ACTR3C: variants seen among roughly 807,000 people sequenced by gnomAD.
ACTR3C encodes the protein actin-related protein 3C.
Under a neutral mutation model 26.3 loss-of-function variants are expected in ACTR3C, and 18 were observed. The observed-to-expected ratio is 0.68, with a 90% CI of 0.47 to 1.01. The LOEUF (loss-of-function observed/expected upper bound fraction) is 1.01, where lower values mean the gene tolerates loss of function less well. ACTR3C is among the 50% of genes least tolerant of loss of function. The pLI, the probability that ACTR3C is intolerant of heterozygous loss-of-function variation, is 0.00. For missense variants in ACTR3C, 184 were observed against 250.7 expected (o/e 0.73, Z 1.80); for synonymous variants, 55 against 94.5 (o/e 0.58, Z 2.42).
At chr7:150,077,022 G>A in the ACTR3C span, among the ~76,000 whole-genome samples, 6 of 151,924 alleles carry the variant, frequency 3.9e-5, no homozygotes, top group Non-Finnish European at 7.4e-5. Context: ...AAAATTAGCC[G>A]AGCATGGTGG....
the ACTR3C span, among the ~76,000 whole-genome samples, chr7:149,948,516 C>A: frequency 2.9e-4 from 44 of 150,862 alleles, no homozygotes; most frequent in Non-Finnish European, 5.6e-4. Context: ...CAGGCTCTGC[C>A]TTCCTGCCCC....
chr7:150,270,566 T>C (rs1049698869), intron 6 of ACTR3C, among the ~76,000 whole-genome samples: 1 of 151,036 alleles, frequency 6.6e-6, no homozygotes, highest in African/African-American at 2.5e-5. Flanking sequence ...GCAGACCTCA[T>C]GCTCACCACC....
the ACTR3C span, among the ~76,000 whole-genome samples, chr7:149,992,691 A>G: frequency 6.6e-6 from 1 of 152,194 alleles, no homozygotes; most frequent in African/African-American, 2.4e-5. Flanking sequence ...AGAAGGGACA[A>G]AGAAGGGTGG....
At chr7:150,185,214 G>A in the ACTR3C span, among the ~76,000 whole-genome samples, 2 of 151,730 alleles carry the variant, frequency 1.3e-5, no homozygotes, top group Non-Finnish European at 2.9e-5. Context: ...GAAAACCATG[G>A]TGTCTACCAC....
At chr7:150,039,715 G>GATAA in the ACTR3C span, among the ~76,000 whole-genome samples, 1 of 145,242 alleles carries the variant, frequency 6.9e-6, no homozygotes, top group South Asian at 2.3e-4. Flanking sequence ...AGAGGGTCTG[G>GATAA]CTCTCAGTCC....
the ACTR3C span, among the ~76,000 whole-genome samples, chr7:150,028,065 A>G: frequency 2.0e-4 from 30 of 152,424 alleles, no homozygotes; most frequent in East Asian, 5.0e-3. Context: ...TCTTCATTGA[A>G]TTAGTCCTCT....
chr7:150,117,934 AG>A, the ACTR3C span, among the ~76,000 whole-genome samples: 1 of 152,226 alleles, frequency 6.6e-6, no homozygotes. Context: ...GGTGATACCC[AG>A]GCAAACAGGG....
At chr7:150,214,220 G>A in the ACTR3C span, among the ~76,000 whole-genome samples, 4 of 152,072 alleles carry the variant, frequency 2.6e-5, no homozygotes, top group Admixed American at 1.3e-4. Context: ...GTCCAATTTC[G>A]AGAAGAAAAT....
the ACTR3C span, among the ~76,000 whole-genome samples, chr7:150,105,085 C>CTT: frequency 9.4e-5 from 13 of 138,578 alleles, no homozygotes; most frequent in African/African-American, 2.1e-4. Flanking sequence ...TTCTTTTTTT[C>CTT]TTTTTTTTTT....
At chr7:150,259,977 C>G (rs1187324388) in intron 6 of ACTR3C, among the ~76,000 whole-genome samples, 2 of 152,170 alleles carry the variant, frequency 1.3e-5, no homozygotes, top group African/African-American at 4.8e-5. Flanking sequence ...AATTTTTGAC[C>G]TTTTGTTCCG....
the ACTR3C span, among the ~76,000 whole-genome samples, chr7:150,228,594 G>A: frequency 6.6e-6 from 1 of 152,132 alleles, no homozygotes; most frequent in Non-Finnish European, 1.5e-5. Context: ...TGATGATGAA[G>A]AGAGGGGCCA....
the ACTR3C span, among the ~76,000 whole-genome samples, chr7:150,059,483 C>T: frequency 9.9e-5 from 15 of 152,096 alleles, no homozygotes; most frequent in East Asian, 2.9e-3. Context: ...TGTCAATGCT[C>T]GAAGGCCTCT....
intron 1 of ACTR3C, among the ~76,000 whole-genome samples, chr7:150,298,885 T>C (rs560549601): frequency 2.0e-4 from 31 of 151,858 alleles, no homozygotes; most frequent in African/African-American, 6.8e-4. Flanking sequence ...ACAATCTCTA[T>C]GATGAATTGT....
intron 5 of ACTR3C, among the ~76,000 whole-genome samples, chr7:150,285,089 C>T (rs1012833085): frequency 3.9e-5 from 6 of 152,186 alleles, no homozygotes; most frequent in Admixed American, 6.5e-5. Context: ...AACAACATCA[C>T]AGACAGACCA....
the ACTR3C span, among the ~76,000 whole-genome samples, chr7:150,137,403 C>T: frequency 2.0e-5 from 3 of 152,198 alleles, no homozygotes; most frequent in Admixed American, 6.5e-5. Flanking sequence ...GTGCCTGGCA[C>T]GTGGCAGGTG....
chr7:149,902,935 C>CA, the ACTR3C span, among the ~76,000 whole-genome samples: 1,322 of 10,310 alleles, frequency 0.13, 326 homozygotes, highest in Non-Finnish European at 0.17. Context: ...TACAGTGTCT[C>CA]AAAAAAAAAA....
chr7:150,071,891 A>G, the ACTR3C span, among the ~76,000 whole-genome samples: 1 of 147,698 alleles, frequency 6.8e-6, no homozygotes, highest in Non-Finnish European at 1.5e-5. Flanking sequence ...AGAGAAGGCC[A>G]TAGTGTGGAG....
chr7:150,292,523 C>T (rs10261089), intron 3 of ACTR3C, among the ~76,000 whole-genome samples: 25,002 of 141,908 alleles, frequency 0.18, 3,054 homozygotes, highest in South Asian at 0.34. Flanking sequence ...TTTTTTGAGA[C>T]GGAGTTTCGC....
At chr7:150,069,932 T>C in the ACTR3C span, among the ~76,000 whole-genome samples, 5 of 152,140 alleles carry the variant, frequency 3.3e-5, no homozygotes, top group East Asian at 1.9e-4. Context: ...GAAGTCCACA[T>C]GCTGAATCTC....
Sources: gnomAD v4.1 joint callset for allele counts (sites outside exome capture counted in the v4.1 genomes callset) on GRCh38, gnomAD v4.1.1 for gene constraint, MANE v1.5 for transcripts, NCBI Gene and HGNC (gene_info 2026-07-23, HGNC 2026-07-21) for gene names.